Variants in CNTNAP2 observed in about 807,000 individuals in gnomAD.
CNTNAP2 encodes contactin-associated protein-like 2.
Under a neutral mutation model 155.2 loss-of-function variants are expected in CNTNAP2, and 98 were observed. The observed-to-expected ratio is 0.63, with a 90% CI of 0.54 to 0.75. The LOEUF is 0.75. CNTNAP2 is among the 30% of genes least tolerant of loss of function. The pLI is 0.00. For synonymous variants in CNTNAP2, 651 were observed against 631.2 expected (o/e 1.03, Z -0.47); for missense variants, 1,727 against 1,688.1 (o/e 1.02, Z -0.40).
chr7:147,361,394 C>A (rs376036510), intron 9 of CNTNAP2, among the ~76,000 whole-genome samples: 1 of 152,302 alleles, frequency 6.6e-6, no homozygotes, highest in East Asian at 1.9e-4. Context: ...ACAAGATGTT[C>A]CATTATTCGA....
At chr7:147,087,377 T>C (rs749569366) in intron 4 of CNTNAP2, among the ~76,000 whole-genome samples, 4 of 152,202 alleles carry the variant, frequency 2.6e-5, no homozygotes, top group Non-Finnish European at 4.4e-5. Flanking sequence ...TGTTCTGTTT[T>C]TTTTAACCAG....
intron 12 of CNTNAP2, among the ~76,000 whole-genome samples, chr7:147,628,745 AG>A (rs772239272): frequency 1.2e-3 from 186 of 152,214 alleles, no homozygotes; most frequent in Non-Finnish European, 1.7e-3. Flanking sequence ...CTAACACATA[AG>A]GACTCACATA....
At chr7:146,935,084 C>G (rs1796882386) in intron 3 of CNTNAP2, among the ~76,000 whole-genome samples, 1 of 152,190 alleles carries the variant, frequency 6.6e-6, no homozygotes, top group African/African-American at 2.4e-5. Context: ...CCTCCACATT[C>G]TTGGAACTGT....
chr7:147,902,024 A>G (rs1476875373), intron 13 of CNTNAP2, among the ~76,000 whole-genome samples: 2 of 152,232 alleles, frequency 1.3e-5, no homozygotes, highest in Admixed American at 1.3e-4. Context: ...CTTAGCTCCA[A>G]TATTCTATGA....
chr7:146,895,984 A>C (rs1297571371), intron 3 of CNTNAP2, among the ~76,000 whole-genome samples: 1 of 152,172 alleles, frequency 6.6e-6, no homozygotes, highest in Non-Finnish European at 1.5e-5. Flanking sequence ...CACCATACTT[A>C]AGAAGTCAAG....
chr7:146,205,919 G>A (rs943074443), intron 1 of CNTNAP2, among the ~76,000 whole-genome samples: 4 of 151,822 alleles, frequency 2.6e-5, no homozygotes, highest in Non-Finnish European at 4.4e-5. Context: ...GATTCTCTAT[G>A]AGGCTACCAA....
At chr7:146,579,100 C>T (rs755415506) in intron 1 of CNTNAP2, among the ~76,000 whole-genome samples, 4 of 152,064 alleles carry the variant, frequency 2.6e-5, no homozygotes, top group Non-Finnish European at 5.9e-5. Context: ...TATAAAATCA[C>T]TCTCCCTAGA....
At chr7:148,332,805 A>G (rs370593186) in intron 21 of CNTNAP2, among the ~76,000 whole-genome samples, 66 of 152,314 alleles carry the variant, frequency 4.3e-4, no homozygotes, top group African/African-American at 1.4e-3. Context: ...TCAGGGCTCC[A>G]CGCTGGAAAC....
intron 15 of CNTNAP2, among the ~76,000 whole-genome samples, chr7:148,048,874 T>A (rs1402219232): frequency 5.3e-5 from 8 of 152,088 alleles, no homozygotes; most frequent in African/African-American, 1.9e-4. Flanking sequence ...CCTTATATAC[T>A]CTTGAGAGAA....
chr7:147,261,520 C>T (rs543531176), intron 8 of CNTNAP2, among the ~76,000 whole-genome samples: 34 of 151,358 alleles, frequency 2.2e-4, no homozygotes, highest in Non-Finnish European at 4.3e-4. Context: ...GAAAACCTCT[C>T]GGTACTTGTT....
intron 13 of CNTNAP2, among the ~76,000 whole-genome samples, chr7:147,890,306 A>C (rs567797013): frequency 2.9e-4 from 44 of 152,344 alleles, no homozygotes; most frequent in African/African-American, 1.0e-3. Flanking sequence ...TGTGTATAGT[A>C]AAAGCTTAGA....
intron 3 of CNTNAP2, among the ~76,000 whole-genome samples, chr7:146,921,143 T>G (rs903547973): frequency 6.6e-6 from 1 of 151,892 alleles, no homozygotes; most frequent in African/African-American, 2.4e-5. Flanking sequence ...GCAGAAGAGG[T>G]GGACTACCAA....
In CNTNAP2 at chr7:147,136,404, T is replaced by A. The variant is rs908656135; in HGVS notation, c.1348+3895T>A. 4.6e-5 allele frequency among the ~76,000 whole-genome samples: 7 copies of A among 152,110 alleles called. No homozygotes were observed. The East Asian group carries it at 9.7e-4, about 21-fold the overall frequency. The stretch of plus-strand genomic sequence containing the variant: ...TCCACACTGTCTCAGAAATATGTAA[T>A]CAGAAAAGATTTTCTCATTTGTATT... On this transcript the variant is annotated intron_variant, in intron 8 of 23. Coordinates refer to ENST00000361727, the MANE Select transcript of CNTNAP2 (RefSeq NM_014141.6).
intron 19 of CNTNAP2, among the ~76,000 whole-genome samples, chr7:148,225,731 G>C (rs1795834589): frequency 6.6e-6 from 1 of 152,168 alleles, no homozygotes; most frequent in Non-Finnish European, 1.5e-5. Flanking sequence ...CTTGGTCCAG[G>C]GGGTAGAGAT....
At chr7:146,251,127 A>G (rs1043358728) in intron 1 of CNTNAP2, among the ~76,000 whole-genome samples, 29 of 152,224 alleles carry the variant, frequency 1.9e-4, no homozygotes, top group African/African-American at 6.8e-4. Context: ...GATTACACAG[A>G]ATAAAAACAT....
intron 21 of CNTNAP2, among the ~76,000 whole-genome samples, chr7:148,313,245 T>C (rs527441615): frequency 6.7e-6 from 1 of 149,974 alleles, no homozygotes; most frequent in Non-Finnish European, 1.5e-5. Context: ...TGCTCTCCAC[T>C]GTGAGAATTA....
intron 16 of CNTNAP2, among the ~76,000 whole-genome samples, chr7:148,129,884 G>T (rs1206982517): frequency 1.3e-5 from 2 of 152,166 alleles, no homozygotes; most frequent in Non-Finnish European, 2.9e-5. Context: ...TTCATGCCAG[G>T]GTTCTCAGTT....
At chr7:147,678,275 G>A (rs1193645488) in intron 13 of CNTNAP2, among the ~76,000 whole-genome samples, 1 of 151,716 alleles carries the variant, frequency 6.6e-6, no homozygotes, top group African/African-American at 2.4e-5. Flanking sequence ...TTCTTAGCTG[G>A]CTTTGAAAAA....
chr7:148,087,653 C>T (rs1362361997), intron 15 of CNTNAP2, among the ~76,000 whole-genome samples: 1 of 152,056 alleles, frequency 6.6e-6, no homozygotes, highest in Non-Finnish European at 1.5e-5. Context: ...TGTTTTCTAG[C>T]AATAACAAGA....
Sources: gnomAD v4.1 joint callset for allele counts (sites outside exome capture counted in the v4.1 genomes callset) on GRCh38, gnomAD v4.1.1 for gene constraint, MANE v1.5 for transcripts, NCBI Gene and HGNC (gene_info 2026-07-23, HGNC 2026-07-21) for gene names.